The following ATP9A variants were observed in gnomAD, a reference collection of about 807,000 sequenced individuals.
ATP9A encodes the protein ATPase phospholipid transporting 9A, also known as probable phospholipid-transporting ATPase IIA.
A neutral mutation model predicts 144.1 loss-of-function variants in ATP9A; 52 were observed. The observed-to-expected ratio is 0.36, with a 90% CI of 0.29 to 0.45. The LOEUF is 0.45. ATP9A is among the 20% of genes least tolerant of loss of function. The probability of loss-of-function intolerance (pLI) is 1.00; values close to 1 mark genes in which losing one functional copy is unlikely to be tolerated. For missense variants in ATP9A, 947 were observed against 1,392.7 expected (o/e 0.68, Z 5.09); for synonymous variants, 582 against 557.4 (o/e 1.04, Z -0.62).
At chr20:51,754,947 T>TA (rs555019652) in intron 1 of ATP9A, among the ~76,000 whole-genome samples, 1,486 of 138,170 alleles carry the variant, frequency 0.011, 19 homozygotes, top group African/African-American at 0.035. Flanking sequence ...CCATCCCTAC[T>TA]AAAAAAAAAA....
intron 2 of ATP9A, among the ~76,000 whole-genome samples, chr20:51,726,450 AAG>A (rs1302439014): frequency 6.6e-6 from 1 of 152,180 alleles, no homozygotes; most frequent in Non-Finnish European, 1.5e-5. Context: ...TTGTAAAAGA[AAG>A]AGTAAATAAT....
rs572741098 is a variant in ATP9A, at chr20:51,689,116, G to A, written c.747C>T (p.Ser249=). 593 of 1,613,980 alleles carry A rather than the reference G, an allele frequency of 3.7e-4. 19 individuals carry two copies. The South Asian group carries it at 6.2e-3, about 17-fold the overall frequency. The part of the protein sequence containing the change: ...FTREDSDPPI[S]ESLSIENTLW... The stretch of plus-strand genomic sequence containing the variant: ...GCGTGTTCTCTATGCTCAGGCTCTC[G>A]CTGATCGGGGGGTCGCTGTCTTCCT... The change falls in exon 9 of 28, where the codon AGC becomes AGT. Residue 249 remains serine, a synonymous_variant. Coordinates refer to ENST00000338821, the MANE Select transcript of ATP9A (RefSeq NM_006045.3).
chr20:51,659,644 T>C (rs2077403042), intron 13 of ATP9A, among the ~76,000 whole-genome samples: 1 of 152,170 alleles, frequency 6.6e-6, no homozygotes, highest in Non-Finnish European at 1.5e-5. Flanking sequence ...AACATATTTA[T>C]CCAACAGGAG....
At chr20:51,631,060 C>A (rs1386680267) in intron 15 of ATP9A, among the ~76,000 whole-genome samples, 1 of 152,188 alleles carries the variant, frequency 6.6e-6, no homozygotes, top group Non-Finnish European at 1.5e-5. Flanking sequence ...CAATAAAACA[C>A]CCTTTAACGA....
chr20:51,719,068 C>G (rs1349645271), intron 3 of ATP9A, among the ~76,000 whole-genome samples: 30 of 150,904 alleles, frequency 2.0e-4, no homozygotes, highest in Admixed American at 2.0e-3. Context: ...GTGGAGGATG[C>G]AGCGAGCCAA....
intron 2 of ATP9A, among the ~76,000 whole-genome samples, chr20:51,728,425 G>A (rs371692507): frequency 2.8e-4 from 42 of 151,814 alleles, no homozygotes; most frequent in African/African-American, 9.4e-4. Context: ...TCAGGAGTTC[G>A]AGACCAGCCT....
chr20:51,701,406 TAATA>T (rs2077592725), intron 4 of ATP9A, among the ~76,000 whole-genome samples: 1 of 152,136 alleles, frequency 6.6e-6, no homozygotes, highest in Non-Finnish European at 1.5e-5. Context: ...AAGAAAAAAA[TAATA>T]ATTAAAATTA....
At chr20:51,603,462 G>A (rs1205255076) in intron 27 of ATP9A, among the ~76,000 whole-genome samples, 1 of 152,168 alleles carries the variant, frequency 6.6e-6, no homozygotes, top group African/African-American at 2.4e-5. Context: ...ACTAGAAACA[G>A]GTTTCTAGAC....
chr20:51,622,875 C>T (rs1416523605), intron 18 of ATP9A, among the ~76,000 whole-genome samples: 1 of 152,058 alleles, frequency 6.6e-6, no homozygotes, highest in Non-Finnish European at 1.5e-5. Flanking sequence ...TTGGGGCTAT[C>T]GGTCAAAGAA....
Position 51,639,389 on chromosome 20 carries a change from A to T in ATP9A, c.1622T>A (p.Ile541Asn). ...TTTGCTTTCATAGGTGAAAGGGAAG[A>T]TCTGTAGGATGGTGAAGTTCAGGAT... ...DQILNFTILQ[I>N]FPFTYESKRM... is the part of the protein sequence containing the mutation. Residue 541 changes from isoleucine (I) to asparagine (N), a missense_variant, in exon 15 of 28, where the codon ATC (isoleucine) becomes AAC (asparagine). Physicochemically the swap from Ile to Asn is moderately radical, Grantham distance 149 (BLOSUM62 -3). Transcript: ENST00000338821. 6.2e-7 allele frequency: 1 copy of T among 1,614,130 alleles called. No homozygotes were observed. Among genetic ancestry groups the T allele is most frequent in the Non-Finnish European group, 8.5e-7 (1 of 1,180,010 alleles).
At chr20:51,618,897 AGCC>A in intron 20 of ATP9A, 54 bp downstream of exon 20, 1 of 1,601,702 alleles carries the variant, frequency 6.2e-7, no homozygotes, top group Non-Finnish European at 8.5e-7. Context: ...CCCCTGCCGA[AGCC>A]GGGTAAGACC....
intron 1 of ATP9A, among the ~76,000 whole-genome samples, chr20:51,741,840 GCTAC>G (rs1323264872): frequency 6.6e-6 from 1 of 152,154 alleles, no homozygotes; most frequent in East Asian, 1.9e-4. Context: ...ACTCCAAGAT[GCTAC>G]TCTCATCTAG....
At chr20:51,674,392 G>T in intron 10 of ATP9A, 79 bp from the exon 11 acceptor site, 1 of 1,469,602 alleles carries the variant, frequency 6.8e-7, no homozygotes, top group Non-Finnish European at 9.3e-7. Flanking sequence ...GGTGGAGGCT[G>T]CAGTGAGCTG....
At chr20:51,739,080 C>T (rs534877906) in intron 1 of ATP9A, among the ~76,000 whole-genome samples, 1 of 152,154 alleles carries the variant, frequency 6.6e-6, no homozygotes, top group Non-Finnish European at 1.5e-5. Context: ...CAGAGCAACA[C>T]TCTGGAGGGA....
At chr20:51,761,596 A>C (rs1490701538) in intron 1 of ATP9A, among the ~76,000 whole-genome samples, 1 of 151,798 alleles carries the variant, frequency 6.6e-6, no homozygotes, top group Non-Finnish European at 1.5e-5. Flanking sequence ...CCCGTCTCTA[A>C]TAAAATACAA....
At chr20:51,622,919 A>T (rs2077232739) in intron 18 of ATP9A, among the ~76,000 whole-genome samples, 1 of 152,208 alleles carries the variant, frequency 6.6e-6, no homozygotes, top group Non-Finnish European at 1.5e-5. Flanking sequence ...AGGAAAGAAG[A>T]TCATGACAAT....
intron 13 of ATP9A, among the ~76,000 whole-genome samples, chr20:51,666,620 C>T (rs1474613970): frequency 1.3e-5 from 2 of 149,442 alleles, no homozygotes; most frequent in African/African-American, 5.0e-5. Flanking sequence ...GTGGAGGTTG[C>T]AGTGAGCCGA....
intron 22 of ATP9A, among the ~76,000 whole-genome samples, chr20:51,615,542 A>T (rs2077200000): frequency 6.6e-6 from 1 of 152,262 alleles, no homozygotes; most frequent in Non-Finnish European, 1.5e-5. Context: ...CATAACCAGT[A>T]ATATACACAC....
At chr20:51,647,789 C>A (rs1353022022) in intron 14 of ATP9A, among the ~76,000 whole-genome samples, 1 of 152,118 alleles carries the variant, frequency 6.6e-6, no homozygotes, top group Non-Finnish European at 1.5e-5. Flanking sequence ...TGAGCCAACA[C>A]TAATATCACA....
Sources: allele counts gnomAD v4.1 joint callset (sites outside exome capture counted in the v4.1 genomes callset), GRCh38; gene constraint gnomAD v4.1.1; transcripts MANE v1.5; gene names NCBI Gene and HGNC (gene_info 2026-07-23, HGNC 2026-07-21).